GSR: variants seen among roughly 807,000 people sequenced by gnomAD.
The protein encoded by GSR is glutathione-disulfide reductase, also known as glutathione reductase, mitochondrial.
Under a neutral mutation model 56.5 loss-of-function variants are expected in GSR, and 48 were observed. That is an observed-to-expected ratio of 0.85 (90% CI 0.67 to 1.08). GSR has a LOEUF of 1.08. GSR is among the 50% of genes least tolerant of loss of function. The probability of loss-of-function intolerance (pLI) is 0.00; values close to 1 mark genes in which losing one functional copy is unlikely to be tolerated. For missense variants in GSR, 694 were observed against 703.3 expected, an observed-to-expected ratio of 0.99 and a Z score of 0.15; for synonymous variants, 264 against 270.8, an observed-to-expected ratio of 0.97 and a Z score of 0.25.
At chr8:30,721,940 C>T (rs1804553525) in intron 1 of GSR, among the ~76,000 whole-genome samples, 2 of 150,766 alleles carry the variant, frequency 1.3e-5, no homozygotes, top group African/African-American at 2.4e-5. Context: ...CGCTTGAACC[C>T]GGGAGGCAGA....
At chr8:30,723,834 A>G (rs1038986423) in intron 1 of GSR, among the ~76,000 whole-genome samples, 6 of 151,984 alleles carry the variant, frequency 3.9e-5, no homozygotes, top group African/African-American at 1.4e-4. Context: ...GTCTGCTGGG[A>G]CCTAGTACAG....
chr8:30,718,319 T>C (rs2128748374), intron 1 of GSR, among the ~76,000 whole-genome samples: 1 of 152,000 alleles, frequency 6.6e-6, no homozygotes, highest in East Asian at 1.9e-4. Context: ...CAGATAGGAG[T>C]TTGACTCTCA....
At chr8:30,698,482 A>C (rs984341276) in intron 6 of GSR, among the ~76,000 whole-genome samples, 13 of 152,212 alleles carry the variant, frequency 8.5e-5, no homozygotes, top group Non-Finnish European at 2.9e-5. Flanking sequence ...GTTCTCTAAC[A>C]CATTTCTGCG....
chr8:30,685,467 C>T (rs1158678772), intron 9 of GSR, among the ~76,000 whole-genome samples: 1 of 152,092 alleles, frequency 6.6e-6, no homozygotes, highest in Admixed American at 6.6e-5. Flanking sequence ...CTAAAACATA[C>T]TGATGTTTTT....
At position 30,690,158 on chromosome 8, in the gene GSR, A is replaced by ATT. The variant is rs1563529889; in HGVS notation, c.883-840_883-839insAA. The stretch of plus-strand genomic sequence containing the variant: ...TACATTTACATATAAATAAAATAAT[A>ATT]TATTTATTTATTTATTTATTTATTT... On this transcript the variant is annotated intron_variant, in intron 8 of 12. Coordinates refer to ENST00000221130, the MANE Select transcript of GSR (RefSeq NM_000637.5). 9.4e-3 allele frequency among the ~76,000 whole-genome samples: 1,302 copies of ATT among 138,750 alleles called. 18 individuals are homozygous for ATT. The highest frequency in any genetic ancestry group is 0.035 in the East Asian group (169 of 4,878). 91.0% of individuals were successfully genotyped at this position (138,750 alleles called of 152,430 possible).
chr8:30,689,972 ATATATAAATG>A (rs1803314087), intron 8 of GSR, among the ~76,000 whole-genome samples: 1 of 134,730 alleles, frequency 7.4e-6, no homozygotes, highest in African/African-American at 2.6e-5. Context: ...TATTTATTAT[ATATATAAATG>A]TATATATATG....
rs1452257174 is a variant in GSR, at chr8:30,692,527, G to C, written c.882+442C>G. Among the ~76,000 whole-genome samples, 332 of 91,020 alleles carry C rather than the reference G, an allele frequency of 3.6e-3. No homozygotes were observed. The Middle Eastern group carries it at 0.04, about 11-fold the overall frequency. The allele number at this position is 91,020 out of a possible 152,430, so 59.7% of individuals were successfully genotyped here. A position where few individuals can be genotyped will look rare whatever the true frequency, so the allele number is the denominator to read the frequency against. Reference sequence around the variant, plus strand: ...TTTTTTTTTTTTTTTTTGAGACGGAGTCTCGCTCTTGTCGCCCAGGCTGGA... The same window carrying C: ...TTTTTTTTTTTTTTTTTGAGACGGACTCTCGCTCTTGTCGCCCAGGCTGGA... On this transcript the variant is annotated intron_variant, in intron 8 of 12. Transcript: ENST00000221130.
At chr8:30,690,882 T>C (rs1040091174) in intron 8 of GSR, among the ~76,000 whole-genome samples, 19 of 151,720 alleles carry the variant, frequency 1.3e-4, no homozygotes, top group African/African-American at 3.2e-4. Flanking sequence ...CTGGGCAACA[T>C]AGTGAGACTC....
At chr8:30,704,891 TGGC>T (rs1367557005) in intron 4 of GSR, 2 of 152,160 alleles carry the variant, frequency 1.3e-5, no homozygotes, top group African/African-American at 4.8e-5. Flanking sequence ...ATGGCTCGCG[TGGC>T]GATAGGACAG....
intron 3 of GSR, among the ~76,000 whole-genome samples, chr8:30,709,327 T>G (rs1261756770): frequency 6.6e-6 from 1 of 152,186 alleles, no homozygotes; most frequent in Non-Finnish European, 1.5e-5. Context: ...ATTGCACCAC[T>G]GCACTCCAGC....
intron 10 of GSR, among the ~76,000 whole-genome samples, chr8:30,682,814 A>C (rs1803003888): frequency 6.6e-6 from 1 of 150,858 alleles, no homozygotes. Flanking sequence ...TATTATTATT[A>C]TCATTATTAT....
At chr8:30,698,959 A>C (rs1157440067) in intron 6 of GSR, among the ~76,000 whole-genome samples, 1 of 152,154 alleles carries the variant, frequency 6.6e-6, no homozygotes, top group African/African-American at 2.4e-5. Context: ...AAATCAGAGA[A>C]ACAAACTTCC....
At chr8:30,690,991 G>A (rs1803358828) in intron 8 of GSR, among the ~76,000 whole-genome samples, 1 of 152,018 alleles carries the variant, frequency 6.6e-6, no homozygotes, top group African/African-American at 2.4e-5. Context: ...GTTGGAGACT[G>A]CAGTGAGCAA....
intron 12 of GSR, 139 bp from the exon 13 acceptor site, chr8:30,679,808 T>G (rs1167210463): frequency 4.1e-6 from 3 of 734,796 alleles, no homozygotes; most frequent in African/African-American, 1.8e-5. Context: ...CGGGTTCAAG[T>G]GATTCTCCTG....
intron 9 of GSR, among the ~76,000 whole-genome samples, chr8:30,686,972 G>A (rs997606164): frequency 2.6e-5 from 4 of 151,794 alleles, no homozygotes; most frequent in South Asian, 2.1e-4. Flanking sequence ...AAGTAGCTGG[G>A]ATTACAGGCA....
intron 1 of GSR, among the ~76,000 whole-genome samples, chr8:30,723,860 C>T (rs1804638672): frequency 6.6e-6 from 1 of 151,984 alleles, no homozygotes; most frequent in Non-Finnish European, 1.5e-5. Context: ...TGGTCCAAAA[C>T]AATGGCCTCC....
rs1006941797 is a variant in GSR at position 30,692,345 on chromosome 8, C to T, written c.882+624G>A. Among the ~76,000 whole-genome samples the T allele has an allele frequency of 7.3e-5, 11 of 150,990 alleles. No individual in the cohort carries two copies. In the South Asian group the frequency reaches 8.4e-4, roughly 11 times the overall value. On this transcript the variant is annotated intron_variant, in intron 8 of 12. Transcript: ENST00000221130. ...CCGAGTAGCTGGAATTACAGGCATG[C>T]GCCACCACGCCCAGCTAATTTTGTA...
intron 1 of GSR, among the ~76,000 whole-genome samples, chr8:30,723,985 C>T (rs1804643787): frequency 6.6e-6 from 1 of 152,172 alleles, no homozygotes; most frequent in Non-Finnish European, 1.5e-5. Flanking sequence ...TAATTTGAAC[C>T]TTCCGTGTGA....
At chr8:30,722,348 T>C (rs1248218583) in intron 1 of GSR, among the ~76,000 whole-genome samples, 1 of 152,214 alleles carries the variant, frequency 6.6e-6, no homozygotes, top group Non-Finnish European at 1.5e-5. Flanking sequence ...TAACCTTCTA[T>C]TTCGGAGGGC....
Sources: allele counts gnomAD v4.1 joint callset (sites outside exome capture counted in the v4.1 genomes callset), GRCh38; gene constraint gnomAD v4.1.1; transcripts MANE v1.5; gene names NCBI Gene and HGNC (gene_info 2026-07-23, HGNC 2026-07-21).